PIGK: variants seen among roughly 807,000 people sequenced by gnomAD.
PIGK encodes GPI-anchor transamidase.
A neutral mutation model predicts 50.6 loss-of-function variants in PIGK; 42 were observed. That is an observed-to-expected ratio of 0.83 (90% CI 0.65 to 1.07). The LOEUF (loss-of-function observed/expected upper bound fraction) is 1.07, where lower values mean the gene tolerates loss of function less well. PIGK is among the 50% of genes least tolerant of loss of function. The probability of loss-of-function intolerance (pLI) is 0.00; values close to 1 mark genes in which losing one functional copy is unlikely to be tolerated. For missense variants in PIGK, 448 were observed against 488.7 expected (o/e 0.92, Z 0.78); for synonymous variants, 151 against 156.0 (o/e 0.97, Z 0.24).
chr1:77,112,908 A>G (rs922728244), intron 10 of PIGK, among the ~76,000 whole-genome samples: 1 of 152,146 alleles, frequency 6.6e-6, no homozygotes, highest in Non-Finnish European at 1.5e-5. Flanking sequence ...TATGCCCCTA[A>G]TACTATGGTT....
At chr1:77,184,913 AAGG>A (rs896947406) in intron 3 of PIGK, among the ~76,000 whole-genome samples, 2 of 152,188 alleles carry the variant, frequency 1.3e-5, no homozygotes, top group Admixed American at 6.5e-5. Flanking sequence ...TGCCACCATC[AAGG>A]ACTTGAAAGA....
At chr1:77,127,731 T>C (rs1330519094) in intron 9 of PIGK, among the ~76,000 whole-genome samples, 1 of 152,068 alleles carries the variant, frequency 6.6e-6, no homozygotes, top group African/African-American at 2.4e-5. Context: ...TAGGAAGAAA[T>C]TCTCTACACA....
intron 9 of PIGK, among the ~76,000 whole-genome samples, chr1:77,135,984 T>C (rs1299905400): frequency 6.6e-6 from 1 of 152,216 alleles, no homozygotes. Context: ...TACCAATTTA[T>C]TACAGCGTTC....
intron 9 of PIGK, among the ~76,000 whole-genome samples, chr1:77,122,746 C>T (rs111671878): frequency 0.013 from 2,011 of 152,284 alleles, 42 homozygotes; most frequent in African/African-American, 0.046. Flanking sequence ...TAACAGTCTA[C>T]TGTTTTAGTT....
chr1:77,147,041 C>T (rs940652447), intron 9 of PIGK, among the ~76,000 whole-genome samples: 1 of 150,700 alleles, frequency 6.6e-6, no homozygotes, highest in Non-Finnish European at 1.5e-5. Flanking sequence ...AAGACACACT[C>T]GAGACTGGGA....
At chr1:77,178,782 T>C (rs1295706147) in intron 3 of PIGK, among the ~76,000 whole-genome samples, 2 of 152,322 alleles carry the variant, frequency 1.3e-5, no homozygotes, top group East Asian at 1.9e-4. Flanking sequence ...ATCTCTAAAA[T>C]GTCAAATGGT....
intron 6 of PIGK, 64 bp from the exon 7 acceptor site, chr1:77,161,775 A>G (rs1655134315): frequency 1.3e-6 from 1 of 753,094 alleles, no homozygotes; most frequent in Middle Eastern, 2.8e-4. Flanking sequence ...TAATATTTCT[A>G]CAATACTTTT....
rs143982011 is a variant in PIGK, at chr1:77,175,904, T to C, written c.240-6509A>G. Among the ~76,000 whole-genome samples the C allele has an allele frequency of 2.0e-3, 297 of 152,298 alleles. 2 individuals are homozygous for C. Among genetic ancestry groups the C allele is most frequent in the African/African-American group, 6.9e-3 (287 of 41,594 alleles). On this transcript the variant is annotated intron_variant, in intron 3 of 10. Coordinates refer to ENST00000370812, the MANE Select transcript of PIGK (RefSeq NM_005482.3). ...TGATTAAGATTGATAAATTTTTCTA[T>C]AAAGTTTTATTAAAAATTGAGGTTG...
chr1:77,189,779 A>T (rs1655856276), intron 3 of PIGK, among the ~76,000 whole-genome samples: 1 of 145,934 alleles, frequency 6.9e-6, no homozygotes, highest in Admixed American at 6.9e-5. Flanking sequence ...ACACACACAG[A>T]TATACAGATA....
intron 9 of PIGK, among the ~76,000 whole-genome samples, chr1:77,127,711 C>T (rs1654263542): frequency 6.6e-6 from 1 of 152,018 alleles, no homozygotes; most frequent in South Asian, 2.1e-4. Context: ...CTAGAGTAAT[C>T]CAAAATCATT....
chr1:77,147,707 C>T (rs573467443), intron 9 of PIGK, among the ~76,000 whole-genome samples: 18 of 152,332 alleles, frequency 1.2e-4, no homozygotes, highest in African/African-American at 3.8e-4. Context: ...TATCCAAAGC[C>T]AGCCTATGTA....
intron 1 of PIGK, among the ~76,000 whole-genome samples, chr1:77,216,406 A>G (rs914951918): frequency 3.3e-5 from 5 of 152,216 alleles, no homozygotes; most frequent in Admixed American, 3.3e-4. Flanking sequence ...CTGTAGTAAT[A>G]CAAGTTAATT....
At chr1:77,188,567 C>T (rs990983396) in intron 3 of PIGK, among the ~76,000 whole-genome samples, 1 of 151,398 alleles carries the variant, frequency 6.6e-6, no homozygotes, top group Non-Finnish European at 1.5e-5. Flanking sequence ...CCTGTGATCT[C>T]GCCCTGCCTC....
chr1:77,121,324 C>A (rs912778893), intron 10 of PIGK, among the ~76,000 whole-genome samples: 6 of 152,088 alleles, frequency 3.9e-5, no homozygotes, highest in African/African-American at 1.4e-4. Context: ...AGACGAGCTT[C>A]CCAAAGGTGT....
At chr1:77,136,267 C>T (rs531719929) in intron 9 of PIGK, among the ~76,000 whole-genome samples, 114 of 152,192 alleles carry the variant, frequency 7.5e-4, no homozygotes, top group African/African-American at 2.7e-3. Flanking sequence ...CGGTGGCTCA[C>T]GCCTGTAATC....
At chr1:77,189,740 TATATATATACACACAC>T (rs1557818983) in intron 3 of PIGK, among the ~76,000 whole-genome samples, 6 of 33,242 alleles carry the variant, frequency 1.8e-4, no homozygotes, top group African/African-American at 4.7e-4. Context: ...TATATATATA[TATATATATACACACAC>T]ACACACACAC....
intron 9 of PIGK, among the ~76,000 whole-genome samples, chr1:77,146,975 G>C (rs991563024): frequency 7.2e-5 from 11 of 152,012 alleles, no homozygotes; most frequent in Non-Finnish European, 1.6e-4. Context: ...GGAAAGAAGG[G>C]AGAGACAGGA....
At position 77,143,693 on chromosome 1, in the gene PIGK, T is replaced by C. The variant is rs114335702; in HGVS notation, c.986+10756A>G. ...TAAAAATATTAGACAGTTCCCTATATACAAATATATGATACTACTGCCATC... is the reference window on the plus strand; with the variant it reads ...TAAAAATATTAGACAGTTCCCTATACACAAATATATGATACTACTGCCATC... On this transcript the variant is annotated intron_variant, in intron 9 of 10. Transcript: ENST00000370812. Among the ~76,000 whole-genome samples the C allele has an allele frequency of 4.7e-3, 715 of 152,224 alleles. 4 individuals are homozygous for C. Among genetic ancestry groups the C allele is most frequent in the Non-Finnish European group, 7.8e-3 (532 of 67,954 alleles).
At chr1:77,180,291 AGTGG>A (rs1655580702) in intron 3 of PIGK, among the ~76,000 whole-genome samples, 3 of 152,196 alleles carry the variant, frequency 2.0e-5, no homozygotes, top group Non-Finnish European at 4.4e-5. Flanking sequence ...CAAAAGAAAA[AGTGG>A]GCACTGGAAT....
Sources: allele counts gnomAD v4.1 joint callset (sites outside exome capture counted in the v4.1 genomes callset), GRCh38; gene constraint gnomAD v4.1.1; transcripts MANE v1.5; gene names NCBI Gene and HGNC (gene_info 2026-07-23, HGNC 2026-07-21).